The following KCTD16 variants were observed in gnomAD, a reference collection of about 807,000 sequenced individuals.
KCTD16 encodes the protein potassium channel tetramerization domain containing 16, also known as BTB/POZ domain-containing protein KCTD16.
KCTD16 carries 13 observed loss-of-function variants against 33.2 expected under a neutral mutation model. The ratio of observed to expected loss-of-function variants is 0.39; its 90% CI spans 0.25 to 0.62. KCTD16 has a LOEUF of 0.62. Among genes scored for constraint, KCTD16 ranks in the 20% least tolerant of loss-of-function variants. KCTD16 has a pLI of 0.50. For synonymous variants in KCTD16, 197 were observed against 195.3 expected, an observed-to-expected ratio of 1.01 and a Z score of -0.07; for missense variants, 441 against 525.1, an observed-to-expected ratio of 0.84 and a Z score of 1.57.
intron 3 of KCTD16, among the ~76,000 whole-genome samples, chr5:144,386,537 A>G (rs1752327889): frequency 2.0e-5 from 3 of 152,144 alleles, no homozygotes; most frequent in Non-Finnish European, 4.4e-5. Flanking sequence ...TAGACTCTGT[A>G]TATGCTCATG....
intron 3 of KCTD16, among the ~76,000 whole-genome samples, chr5:144,454,593 A>G (rs1174197630): frequency 6.6e-6 from 1 of 152,210 alleles, no homozygotes; most frequent in African/African-American, 2.4e-5. Context: ...TTGGAATCAG[A>G]AACTTTTTTA....
intron 3 of KCTD16, among the ~76,000 whole-genome samples, chr5:144,453,542 C>A (rs1753994155): frequency 6.6e-6 from 1 of 152,076 alleles, no homozygotes; most frequent in Non-Finnish European, 1.5e-5. Context: ...ACATTAACTG[C>A]AGAATCTTGA....
chr5:144,178,882 G>A (rs1752561896), intron 2 of KCTD16, among the ~76,000 whole-genome samples: 1 of 152,032 alleles, frequency 6.6e-6, no homozygotes, highest in South Asian at 2.1e-4. Flanking sequence ...AATTTTGAGA[G>A]GCCCCTAGGA....
intron 3 of KCTD16, among the ~76,000 whole-genome samples, chr5:144,313,588 T>C (rs2126879294): frequency 6.6e-6 from 1 of 152,326 alleles, no homozygotes; most frequent in East Asian, 1.9e-4. Context: ...TTTACGATGC[T>C]TTTTCTTTAA....
chr5:144,231,374 A>G (rs973949640), intron 3 of KCTD16, among the ~76,000 whole-genome samples: 2 of 152,088 alleles, frequency 1.3e-5, no homozygotes, highest in Admixed American at 1.3e-4. Flanking sequence ...AAAAAAATTT[A>G]TGTTCTCATG....
intron 3 of KCTD16, among the ~76,000 whole-genome samples, chr5:144,304,169 T>G (rs577271301): frequency 1.3e-5 from 2 of 152,188 alleles, no homozygotes; most frequent in African/African-American, 2.4e-5. Flanking sequence ...GGATAAAAAT[T>G]CACTTATTTT....
intron 3 of KCTD16, among the ~76,000 whole-genome samples, chr5:144,300,359 G>A (rs1203978657): frequency 2.0e-5 from 3 of 151,998 alleles, no homozygotes; most frequent in South Asian, 2.1e-4. Context: ...CTCTTCTCCC[G>A]AATTCTTGCA....
chr5:144,338,953 A>G (rs1752560176), intron 3 of KCTD16, among the ~76,000 whole-genome samples: 1 of 152,214 alleles, frequency 6.6e-6, no homozygotes, highest in Admixed American at 6.5e-5. Flanking sequence ...AGATGTTAGC[A>G]TTGTGCTTTA....
At chr5:144,194,826 C>T (rs1752911376) in intron 2 of KCTD16, among the ~76,000 whole-genome samples, 1 of 152,140 alleles carries the variant, frequency 6.6e-6, no homozygotes, top group Non-Finnish European at 1.5e-5. Flanking sequence ...TGCTCTATTG[C>T]TTCTCTGTGC....
intron 3 of KCTD16, among the ~76,000 whole-genome samples, chr5:144,411,562 A>T (rs1434990287): frequency 6.6e-6 from 1 of 152,218 alleles, no homozygotes; most frequent in Non-Finnish European, 1.5e-5. Flanking sequence ...TAAATTCAAG[A>T]CCTGCAATTA....
chr5:144,456,051 T>G (rs1237295014), intron 3 of KCTD16, among the ~76,000 whole-genome samples: 1 of 152,176 alleles, frequency 6.6e-6, no homozygotes, highest in Non-Finnish European at 1.5e-5. Flanking sequence ...ATCTTCTACT[T>G]GTAGCTATAA....
chr5:144,324,517 G>A (rs1328821441), intron 3 of KCTD16, among the ~76,000 whole-genome samples: 3 of 152,078 alleles, frequency 2.0e-5, no homozygotes, highest in Admixed American at 2.0e-4. Context: ...AGGCAGTGTG[G>A]CATACCTCAA....
intron 3 of KCTD16, among the ~76,000 whole-genome samples, chr5:144,265,818 T>C (rs993362327): frequency 8.5e-5 from 13 of 152,192 alleles, no homozygotes; most frequent in Non-Finnish European, 1.5e-4. Flanking sequence ...TATTGTCTCA[T>C]TGAGAAAACA....
intron 3 of KCTD16, among the ~76,000 whole-genome samples, chr5:144,261,548 C>G (rs1223255113): frequency 6.6e-6 from 1 of 152,196 alleles, no homozygotes; most frequent in African/African-American, 2.4e-5. Flanking sequence ...AATTAACAAG[C>G]CTCATCACCT....
intron 3 of KCTD16, among the ~76,000 whole-genome samples, chr5:144,238,871 C>T (rs994674953): frequency 1.3e-5 from 2 of 152,134 alleles, no homozygotes; most frequent in Non-Finnish European, 2.9e-5. Context: ...AGGGATACAA[C>T]TAGGAAAAGA....
chr5:144,189,365 G>A (rs1357535345), intron 2 of KCTD16, among the ~76,000 whole-genome samples: 7 of 151,884 alleles, frequency 4.6e-5, no homozygotes, highest in Non-Finnish European at 7.4e-5. Flanking sequence ...GTGTGGTGGC[G>A]GGCGCCTGTA....
intron 3 of KCTD16, among the ~76,000 whole-genome samples, chr5:144,453,428 G>T (rs994280026): frequency 1.3e-5 from 2 of 152,062 alleles, no homozygotes; most frequent in African/African-American, 4.8e-5. Flanking sequence ...TTAACACTTT[G>T]ATGTCTTTAT....
At chr5:144,254,534 A>G (rs886634436) in intron 3 of KCTD16, among the ~76,000 whole-genome samples, 1 of 152,164 alleles carries the variant, frequency 6.6e-6, no homozygotes, top group Admixed American at 6.5e-5. Context: ...AAAATACTTA[A>G]CATGAGATCT....
intron 3 of KCTD16, among the ~76,000 whole-genome samples, chr5:144,426,131 C>T (rs551966418): frequency 8.7e-4 from 133 of 152,228 alleles, no homozygotes; most frequent in African/African-American, 3.1e-3. Context: ...TGTATTGCTG[C>T]TTAGGTATTT....
Sources: allele counts gnomAD v4.1 joint callset (sites outside exome capture counted in the v4.1 genomes callset), GRCh38; gene constraint gnomAD v4.1.1; transcripts MANE v1.5; gene names NCBI Gene and HGNC (gene_info 2026-07-23, HGNC 2026-07-21).